CPD: variants seen among roughly 807,000 people sequenced by gnomAD.
CPD encodes metallocarboxypeptidase D.
In CPD, 69 loss-of-function variants were observed where a neutral mutation model predicts 138.3. The observed-to-expected ratio is 0.50, with a 90% CI of 0.41 to 0.61. The LOEUF is 0.61. CPD is among the 20% of genes least tolerant of loss of function. The probability of loss-of-function intolerance (pLI) is 0.00; values close to 1 mark genes in which losing one functional copy is unlikely to be tolerated. For synonymous variants in CPD, 651 were observed against 642.1 expected (o/e 1.01, Z -0.21); for missense variants, 1,432 against 1,733.3 (o/e 0.83, Z 3.09).
intron 17 of CPD, among the ~76,000 whole-genome samples, chr17:30,460,695 G>A (rs2143510531): frequency 6.6e-6 from 1 of 152,312 alleles, no homozygotes; most frequent in African/African-American, 2.4e-5. Flanking sequence ...GAACCTGTCT[G>A]CACAGGCAGT....
chr17:30,390,256 A>T (rs183099439), intron 2 of CPD, among the ~76,000 whole-genome samples: 1 of 152,254 alleles, frequency 6.6e-6, no homozygotes, highest in Non-Finnish European at 1.5e-5. Flanking sequence ...GCCTCAAGTG[A>T]TCTGCCCACC....
At chr17:30,380,070 ATGT>A (rs1193793216) in intron 1 of CPD, among the ~76,000 whole-genome samples, 24 of 152,360 alleles carry the variant, frequency 1.6e-4, no homozygotes, top group Non-Finnish European at 3.2e-4. Context: ...TAAGCTGTCA[ATGT>A]TGTTATCTTA....
Position 30,443,739 on chromosome 17 carries a change from C to T in CPD, c.2374-63C>T. On this transcript the variant is annotated intron_variant, in intron 10 of 20. Transcript: ENST00000225719. ...GACAATCTGTTATTTTGAATATGAC[C>T]TCCCAAGATAATTAGATGATGATGT... The T allele has an allele frequency of 3.5e-6, 5 of 1,433,402 alleles. No individual in the cohort carries two copies. In the Admixed American group the frequency reaches 1.0e-4, roughly 30 times the overall value. 88.8% of individuals were successfully genotyped at this position (1,433,402 alleles called of 1,614,324 possible). A position where few individuals can be genotyped will look rare whatever the true frequency, so the allele number is the denominator to read the frequency against.
At position 30,466,620 on chromosome 17, in the gene CPD, G is replaced by A. The variant is rs143594166; in HGVS notation, c.*1806G>A. 1.8e-4 allele frequency: 27 copies of A among 152,682 alleles called. No individual in the cohort carries two copies. The East Asian group carries it at 4.0e-3, about 23-fold the overall frequency. The allele number at this position is 152,682 out of a possible 1,614,324, so 9.5% of individuals were successfully genotyped here. On this transcript the variant is annotated 3_prime_UTR_variant, in exon 21 of 21. Transcript: ENST00000225719. ...TTATGTTTTCTTTAAGGATGGTGGT[G>A]TATTGCTCTTTTTCAGCTTTATTTT...
chr17:30,425,761 T>TAATA (rs1440823353), intron 6 of CPD, among the ~76,000 whole-genome samples: 4 of 152,202 alleles, frequency 2.6e-5, no homozygotes, highest in Non-Finnish European at 5.9e-5. Flanking sequence ...AACAGTGCTT[T>TAATA]AATATAATTT....
At chr17:30,398,567 G>A (rs1453285011) in intron 2 of CPD, among the ~76,000 whole-genome samples, 1 of 151,946 alleles carries the variant, frequency 6.6e-6, no homozygotes, top group African/African-American at 2.4e-5. Flanking sequence ...GCTGCTCCCT[G>A]TTTGGGTGAA....
At position 30,393,878 on chromosome 17, in the gene CPD, C is replaced by T. The variant is rs1452166559; in HGVS notation, c.994+8642C>T. Among the ~76,000 whole-genome samples the T allele has an allele frequency of 2.6e-5, 4 of 152,088 alleles. No homozygotes were observed. The East Asian group carries it at 7.7e-4, about 29-fold the overall frequency. On this transcript the variant is annotated intron_variant, in intron 2 of 20. Transcript: ENST00000225719. ...AAATAGGCCCAGGAGCAGTGGAGCA[C>T]ACTTGTAATCCCAGCACTTTGGGAG...
chr17:30,411,874 T>G (rs1597715835), intron 2 of CPD, among the ~76,000 whole-genome samples: 1 of 152,352 alleles, frequency 6.6e-6, no homozygotes, highest in South Asian at 2.1e-4. Flanking sequence ...CTTGTGAAAG[T>G]CATTCTCCAT....
At chr17:30,462,322 T>G in intron 19 of CPD, 48 bp from the exon 20 acceptor site, 1 of 1,467,532 alleles carries the variant, frequency 6.8e-7, no homozygotes, top group Non-Finnish European at 9.5e-7. Context: ...AGGGATACAG[T>G]ACACCTTAAG....
chr17:30,466,289 T>C lies in CPD; in HGVS notation c.*1475T>C, dbSNP rs1913634780. 2 of 152,650 alleles carry C rather than the reference T, an allele frequency of 1.3e-5. No homozygotes were observed. Among genetic ancestry groups the C allele is most frequent in the Admixed American group, 6.5e-5 (1 of 15,274 alleles). The allele number at this position is 152,650 out of a possible 1,614,324, so 9.5% of individuals were successfully genotyped here. ...TCTTATCTTCTCAAATTGTATTCTATATCCATTAATGTATCAGTTATCCCA... is the reference window on the plus strand; with the variant it reads ...TCTTATCTTCTCAAATTGTATTCTACATCCATTAATGTATCAGTTATCCCA... On this transcript the variant is annotated 3_prime_UTR_variant, in exon 21 of 21. Coordinates refer to ENST00000225719, the MANE Select transcript of CPD (RefSeq NM_001304.5).
intron 2 of CPD, among the ~76,000 whole-genome samples, chr17:30,401,376 T>G (rs1911661333): frequency 6.6e-6 from 1 of 151,502 alleles, no homozygotes; most frequent in African/African-American, 2.4e-5. Context: ...CTCTTCCTCT[T>G]CTTCCTCCTC....
chr17:30,392,230 T>G (rs7213459), intron 2 of CPD, among the ~76,000 whole-genome samples: 78,164 of 151,186 alleles, frequency 0.52, 20,815 homozygotes, highest in East Asian at 0.82. Context: ...GGCTGCTCTC[T>G]AACTCCTGAC....
At chr17:30,398,084 A>T (rs957359644) in intron 2 of CPD, among the ~76,000 whole-genome samples, 2 of 151,894 alleles carry the variant, frequency 1.3e-5, no homozygotes, top group African/African-American at 4.8e-5. Context: ...TAAACTTAAG[A>T]TGAAAACTTG....
intron 4 of CPD, 105 bp downstream of exon 4, chr17:30,421,938 T>C: frequency 1.2e-6 from 1 of 841,266 alleles, no homozygotes; most frequent in Middle Eastern, 3.6e-4. Flanking sequence ...TTTGTGGCTT[T>C]TATTTTTCCT....
intron 6 of CPD, among the ~76,000 whole-genome samples, chr17:30,425,546 C>T (rs896836087): frequency 1.1e-4 from 17 of 151,524 alleles, no homozygotes; most frequent in Non-Finnish European, 1.2e-4. Context: ...ATTCCAGCTA[C>T]TCGGGAGACT....
In CPD at chr17:30,427,302, C is replaced by A. The variant is rs558847899; in HGVS notation, c.1850-89C>A. On this transcript the variant is annotated intron_variant, in intron 6 of 20. Coordinates refer to ENST00000225719, the MANE Select transcript of CPD (RefSeq NM_001304.5). The stretch of plus-strand genomic sequence containing the variant: ...GCGAAGCCTGATGTGTTCACATTTG[C>A]CTTGAGTTAAGGTATCTAAAGTAGT... The A allele has an allele frequency of 2.8e-5, 33 of 1,189,608 alleles. No homozygotes were observed. The South Asian group carries it at 3.9e-4, about 14-fold the overall frequency. The allele number at this position is 1,189,608 out of a possible 1,614,324, so 73.7% of individuals were successfully genotyped here.
chr17:30,447,230 T>A (rs945190756), intron 12 of CPD, among the ~76,000 whole-genome samples: 1 of 152,216 alleles, frequency 6.6e-6, no homozygotes, highest in East Asian at 1.9e-4. Flanking sequence ...TATTGGTGTT[T>A]TAGACATAAA....
intron 12 of CPD, 150 bp downstream of exon 12, chr17:30,446,170 T>A: frequency 1.5e-6 from 1 of 645,680 alleles, no homozygotes; most frequent in Non-Finnish European, 2.6e-6. Flanking sequence ...TGTATTTGCT[T>A]GGAGATCTTT....
intron 12 of CPD, among the ~76,000 whole-genome samples, chr17:30,446,417 C>T (rs1250178456): frequency 6.6e-6 from 1 of 151,874 alleles, no homozygotes; most frequent in African/African-American, 2.4e-5. Flanking sequence ...TGAGTGAGAA[C>T]ATGCAGTGTT....
Sources: gnomAD v4.1 joint callset for allele counts (sites outside exome capture counted in the v4.1 genomes callset) on GRCh38, gnomAD v4.1.1 for gene constraint, MANE v1.5 for transcripts, NCBI Gene and HGNC (gene_info 2026-07-23, HGNC 2026-07-21) for gene names.